Variants in PLXDC2 observed in about 807,000 individuals in gnomAD.
PLXDC2 encodes the protein plexin domain containing 2.
PLXDC2 carries 40 observed loss-of-function variants against 68.9 expected under a neutral mutation model. The observed-to-expected ratio is 0.58, with a 90% CI of 0.45 to 0.76. PLXDC2 has a LOEUF of 0.76. PLXDC2 is among the 30% of genes least tolerant of loss of function. The pLI, the probability that PLXDC2 is intolerant of heterozygous loss-of-function variation, is 0.00. For synonymous variants in PLXDC2, 243 were observed against 234.2 expected, an observed-to-expected ratio of 1.04 and a Z score of -0.34; for missense variants, 644 against 661.9, an observed-to-expected ratio of 0.97 and a Z score of 0.30.
At chr10:20,165,532 G>C (rs1834363310) in intron 7 of PLXDC2, among the ~76,000 whole-genome samples, 1 of 151,628 alleles carries the variant, frequency 6.6e-6, no homozygotes, top group Non-Finnish European at 1.5e-5. Flanking sequence ...TGCGGTGTTT[G>C]GTTTTTTGTT....
intron 9 of PLXDC2, among the ~76,000 whole-genome samples, chr10:20,200,513 C>T (rs1349714453): frequency 6.6e-6 from 1 of 151,808 alleles, no homozygotes; most frequent in African/African-American, 2.4e-5. Flanking sequence ...TACCTCTTAC[C>T]AACAAAAACA....
chr10:19,957,873 A>G (rs1439392622), intron 1 of PLXDC2, among the ~76,000 whole-genome samples: 9 of 152,158 alleles, frequency 5.9e-5, no homozygotes, highest in African/African-American at 2.2e-4. Flanking sequence ...AGTTACTGGG[A>G]CAGTAACATT....
At chr10:19,894,734 C>T (rs1041563495) in intron 1 of PLXDC2, among the ~76,000 whole-genome samples, 1 of 152,088 alleles carries the variant, frequency 6.6e-6, no homozygotes, top group African/African-American at 2.4e-5. Context: ...AATGAGATCC[C>T]ATCTCACGCC....
intron 13 of PLXDC2, among the ~76,000 whole-genome samples, chr10:20,268,233 C>T (rs764999507): frequency 7.2e-5 from 11 of 152,142 alleles, no homozygotes; most frequent in Non-Finnish European, 1.2e-4. Context: ...TGATTTGACA[C>T]GTGACAGTAT....
At chr10:20,143,149 A>G in intron 4 of PLXDC2, 146 bp from the exon 5 acceptor site, 1 of 822,220 alleles carries the variant, frequency 1.2e-6, no homozygotes, top group South Asian at 2.2e-5. Context: ...TTAATTAGAT[A>G]CTAAGATATT....
At chr10:19,887,064 G>C (rs978866566) in intron 1 of PLXDC2, among the ~76,000 whole-genome samples, 1 of 152,116 alleles carries the variant, frequency 6.6e-6, no homozygotes, top group South Asian at 2.1e-4. Context: ...GACACCTACA[G>C]GTTCCCAGAA....
At chr10:20,038,157 A>T (rs1835613588) in intron 2 of PLXDC2, among the ~76,000 whole-genome samples, 2 of 152,112 alleles carry the variant, frequency 1.3e-5, no homozygotes, top group African/African-American at 4.8e-5. Context: ...AATCGCTTGA[A>T]CCTGGGAGAT....
intron 1 of PLXDC2, among the ~76,000 whole-genome samples, chr10:19,960,426 G>C (rs1195117845): frequency 1.3e-5 from 2 of 151,972 alleles, no homozygotes; most frequent in Admixed American, 6.6e-5. Context: ...AACAAAAACT[G>C]GCCAAATGAA....
chr10:20,067,636 C>T (rs943801005), intron 3 of PLXDC2, among the ~76,000 whole-genome samples: 4 of 149,474 alleles, frequency 2.7e-5, no homozygotes, highest in African/African-American at 5.0e-5. Context: ...TTCAGTGAGC[C>T]GAGATTGCGT....
chr10:20,042,579 A>T (rs982103033), intron 2 of PLXDC2, among the ~76,000 whole-genome samples: 1 of 107,706 alleles, frequency 9.3e-6, no homozygotes, highest in Non-Finnish European at 1.9e-5. Flanking sequence ...TACAATATTT[A>T]TTTGATCTTT....
intron 1 of PLXDC2, among the ~76,000 whole-genome samples, chr10:19,829,795 A>G (rs1445871177): frequency 6.6e-6 from 1 of 152,194 alleles, no homozygotes; most frequent in African/African-American, 2.4e-5. Context: ...CTGCAAAGTA[A>G]GATAATTTGT....
chr10:19,911,864 G>A (rs562121498), intron 1 of PLXDC2, among the ~76,000 whole-genome samples: 6 of 152,200 alleles, frequency 3.9e-5, no homozygotes, highest in Non-Finnish European at 8.8e-5. Flanking sequence ...GTGCAAATAT[G>A]GATAGTGAAT....
intron 4 of PLXDC2, among the ~76,000 whole-genome samples, chr10:20,118,105 TACACACACACACACACACAC>T (rs60160833): frequency 1.4e-5 from 2 of 146,718 alleles, no homozygotes; most frequent in Non-Finnish European, 3.0e-5. Flanking sequence ...CATATATGCC[TACACACACACACACACACAC>T]ACACACACAC....
intron 1 of PLXDC2, among the ~76,000 whole-genome samples, chr10:19,866,129 AT>A (rs1229701518): frequency 1.3e-5 from 2 of 152,136 alleles, no homozygotes; most frequent in Non-Finnish European, 2.9e-5. Context: ...AATTAGATGT[AT>A]TTTTTGGGAG....
chr10:20,144,378 C>G (rs753115906), intron 5 of PLXDC2, among the ~76,000 whole-genome samples: 4 of 152,086 alleles, frequency 2.6e-5, no homozygotes, highest in Admixed American at 1.3e-4. Flanking sequence ...TTGCTAAGAG[C>G]CATCTCCTGA....
intron 12 of PLXDC2, among the ~76,000 whole-genome samples, chr10:20,244,502 G>T (rs1173753612): frequency 1.3e-5 from 2 of 152,170 alleles, no homozygotes; most frequent in Non-Finnish European, 2.9e-5. Flanking sequence ...CTATTTGAGG[G>T]TCATTAAGCA....
chr10:19,963,317 T>C (rs1411985801), intron 1 of PLXDC2, among the ~76,000 whole-genome samples: 2 of 152,170 alleles, frequency 1.3e-5, no homozygotes, highest in African/African-American at 2.4e-5. Context: ...GAGGGCATGA[T>C]GGAAAATGTC....
At chr10:19,859,971 C>T (rs1182028088) in intron 1 of PLXDC2, among the ~76,000 whole-genome samples, 1 of 152,102 alleles carries the variant, frequency 6.6e-6, no homozygotes, top group Non-Finnish European at 1.5e-5. Flanking sequence ...CTCAAGTGAT[C>T]CACCCACCTC....
chr10:20,126,458 C>G (rs192827957), intron 4 of PLXDC2, among the ~76,000 whole-genome samples: 11,192 of 15,990 alleles, frequency 0.7, 4,142 homozygotes, highest in Middle Eastern at 0.83. Context: ...TATGTATATA[C>G]AACACACGTT....
Sources: gnomAD v4.1 joint callset for allele counts (sites outside exome capture counted in the v4.1 genomes callset) on GRCh38, gnomAD v4.1.1 for gene constraint, MANE v1.5 for transcripts, NCBI Gene and HGNC (gene_info 2026-07-23, HGNC 2026-07-21) for gene names.